PCYT1B: variants seen among roughly 807,000 people sequenced by gnomAD.
PCYT1B encodes the protein choline-phosphate cytidylyltransferase B.
In PCYT1B, 10 loss-of-function variants were observed where a neutral mutation model predicts 26.4. That is an observed-to-expected ratio of 0.38 (90% CI 0.23 to 0.64). The LOEUF (loss-of-function observed/expected upper bound fraction) is 0.64. PCYT1B is among the 30% of genes least tolerant of loss of function. The probability of loss-of-function intolerance (pLI) is 0.56; values close to 1 mark genes in which losing one functional copy is unlikely to be tolerated. For missense variants in PCYT1B, 161 were observed against 292.7 expected (o/e 0.55, Z 3.28); for synonymous variants, 131 against 108.4 (o/e 1.21, Z -1.29).
intron 4 of PCYT1B, among the ~76,000 whole-genome samples, chrX:24,588,613 T>G (rs987088964): frequency 3.6e-5 from 4 of 111,642 alleles, no homozygotes; most frequent in Non-Finnish European, 7.5e-5. Context: ...ACTCATAAGT[T>G]AGGGGAAAGA....
intron 3 of PCYT1B, among the ~76,000 whole-genome samples, chrX:24,597,220 G>A (rs1602169078): frequency 1.8e-5 from 2 of 109,466 alleles, no homozygotes; most frequent in African/African-American, 6.7e-5. Context: ...CGCCTCCTGG[G>A]TTCAAGCAAT....
At position 24,571,960 on chromosome X, in the gene PCYT1B, A is replaced by G. The variant is rs188260406; in HGVS notation, c.897+3170T>C. ...GAGACCCTGCTTTAAAAAAGACTAT[A>G]CCACAAGGAGCAAATTCAAATATTC... On this transcript the variant is annotated intron_variant, in intron 7 of 7. Coordinates refer to ENST00000379144, the MANE Select transcript of PCYT1B (RefSeq NM_004845.5). Among the ~76,000 whole-genome samples, 3 of 110,605 alleles carry G rather than the reference A, an allele frequency of 2.7e-5. No individual in the cohort carries two copies. The East Asian group carries it at 8.5e-4, about 32-fold the overall frequency.
At chrX:24,629,786 C>G (rs1285384839) in intron 1 of PCYT1B, among the ~76,000 whole-genome samples, 4 of 109,798 alleles carry the variant, frequency 3.6e-5, no homozygotes, top group Non-Finnish European at 7.6e-5. Context: ...AAACCAAACT[C>G]CATCTCATGC....
At chrX:24,672,534 A>C (rs1444975729) in intron 1 of PCYT1B, 1 of 1,128,329 alleles carries the variant, frequency 8.9e-7, no homozygotes, top group Admixed American at 2.2e-5. Context: ...TTGATATTCA[A>C]TAAGGCAAAA....
chrX:24,570,407 C>T (rs1202485681), intron 7 of PCYT1B, among the ~76,000 whole-genome samples: 4 of 107,370 alleles, frequency 3.7e-5, no homozygotes, highest in Non-Finnish European at 5.8e-5. Context: ...CCGTGTACCA[C>T]CATGCCTGGC....
intron 1 of PCYT1B, among the ~76,000 whole-genome samples, chrX:24,642,315 G>A (rs1926490696): frequency 1.8e-5 from 2 of 112,247 alleles, no homozygotes; most frequent in Admixed American, 1.9e-4. Context: ...GTAAGGATTG[G>A]TAAGAGACTC....
At chrX:24,633,026 A>G (rs1429740170) in intron 1 of PCYT1B, among the ~76,000 whole-genome samples, 1 of 109,283 alleles carries the variant, frequency 9.2e-6, no homozygotes, top group African/African-American at 3.3e-5. Context: ...CCTGACCAAC[A>G]TGGTGAAACC....
rs1161268207 is a variant in PCYT1B, at chrX:24,647,119, T to C, written c.-14A>G. 8 of 1,195,332 alleles carry C rather than the reference T, an allele frequency of 6.7e-6. No homozygotes were observed. The highest frequency in any genetic ancestry group is 9.0e-6 in the Non-Finnish European group (8 of 887,608). On this transcript the variant is annotated 5_prime_UTR_variant, in exon 1 of 8. Transcript: ENST00000379144. ...AACTACTGGCATGGCCAGTGAATGC[T>C]CCCTCTAGCTCTACACCCTCAGAGA...
At position 24,593,824 on chromosome X, in the gene PCYT1B, G is replaced by A. The variant is rs1373707138; in HGVS notation, c.335-3650C>T. 2.7e-5 allele frequency among the ~76,000 whole-genome samples: 3 copies of A among 111,221 alleles called. No individual in the cohort carries two copies. The Admixed American group carries it at 2.9e-4, about 11-fold the overall frequency. Reference sequence around the variant, plus strand: ...TTATAGGCGTGAGCCACCGCGCCTGGCCTACAGGAACGTTTCAACAACATA... The same window carrying A: ...TTATAGGCGTGAGCCACCGCGCCTGACCTACAGGAACGTTTCAACAACATA... On this transcript the variant is annotated intron_variant, in intron 3 of 7. Transcript: ENST00000379144.
chrX:24,672,286 C>A (rs998251123), intron 1 of PCYT1B, among the ~76,000 whole-genome samples: 10 of 112,432 alleles, frequency 8.9e-5, no homozygotes, highest in African/African-American at 3.2e-4. Context: ...GCTCCCATAG[C>A]ATATTGATCT....
chrX:24,595,693 A>G (rs1353699495), intron 3 of PCYT1B, among the ~76,000 whole-genome samples: 1 of 110,509 alleles, frequency 9.0e-6, no homozygotes, highest in Admixed American at 9.7e-5. Context: ...CAGCCAGGCC[A>G]ACATGGTGAA....
At chrX:24,633,546 C>T (rs750050711) in intron 1 of PCYT1B, among the ~76,000 whole-genome samples, 14 of 109,469 alleles carry the variant, frequency 1.3e-4, no homozygotes, top group Non-Finnish European at 2.3e-4. Flanking sequence ...TCGTTACATG[C>T]GCCTGTAATC....
At chrX:24,670,115 AG>A (rs1370871832) in intron 1 of PCYT1B, among the ~76,000 whole-genome samples, 77 of 98,158 alleles carry the variant, frequency 7.8e-4, no homozygotes, top group African/African-American at 2.9e-3. Flanking sequence ...AAAGAAAGAA[AG>A]GAAGGAAGGA....
chrX:24,661,459 A>G (rs1927027928), intron 1 of PCYT1B, among the ~76,000 whole-genome samples: 1 of 112,232 alleles, frequency 8.9e-6, no homozygotes, highest in South Asian at 3.7e-4. Flanking sequence ...TGACAGAAAG[A>G]CAGGCAATAC....
intron 3 of PCYT1B, among the ~76,000 whole-genome samples, chrX:24,605,927 G>A (rs190175403): frequency 4.3e-4 from 47 of 108,515 alleles, no homozygotes; most frequent in African/African-American, 1.1e-3. Flanking sequence ...GGTGGCACGC[G>A]CCTATAATCC....
chrX:24,578,451 A>G (rs1194978783), intron 6 of PCYT1B, among the ~76,000 whole-genome samples: 2 of 111,844 alleles, frequency 1.8e-5, no homozygotes, highest in Non-Finnish European at 3.8e-5. Flanking sequence ...ACAAACCTGC[A>G]TGTTCTGCAC....
intron 1 of PCYT1B, among the ~76,000 whole-genome samples, chrX:24,663,688 G>T (rs1442332746): frequency 9.0e-6 from 1 of 111,376 alleles, no homozygotes; most frequent in Non-Finnish European, 1.9e-5. Flanking sequence ...GCCGAGGCTG[G>T]GGGGGATGAC....
At position 24,575,301 on chromosome X, in the gene PCYT1B, G is replaced by A; in HGVS notation, c.726C>T (p.Phe242=). 1 of 1,184,192 alleles carries A rather than the reference G, an allele frequency of 8.4e-7. No individual in the cohort carries two copies. The highest frequency in any genetic ancestry group is 1.1e-6 in the Non-Finnish European group (1 of 882,427). ...CCTTCATTTTGTCCACTTGGTTCTG[G>A]AAACGGTACCTCTTCTCCTGGTGAA... ...VSFINEKRYR[F]QNQVDKMKEK... The change falls in exon 7 of 8, where the codon TTC becomes TTT. Residue 242 remains phenylalanine (F), a synonymous_variant. Coordinates refer to ENST00000379144, the MANE Select transcript of PCYT1B (RefSeq NM_004845.5).
chrX:24,648,466 T>A (rs2148274684), upstream of PCYT1B, among the ~76,000 whole-genome samples: 1 of 91,821 alleles, frequency 1.1e-5, no homozygotes, highest in African/African-American at 4.1e-5. Context: ...TTTTTTTTTT[T>A]TTTTTTTTTG....
Sources: allele counts gnomAD v4.1 joint callset (sites outside exome capture counted in the v4.1 genomes callset), GRCh38; gene constraint gnomAD v4.1.1; transcripts MANE v1.5; gene names NCBI Gene and HGNC (gene_info 2026-07-23, HGNC 2026-07-21).